The following SPIDR variants were observed in gnomAD, a reference collection of about 807,000 sequenced individuals.
SPIDR encodes the protein DNA repair-scaffolding protein.
In SPIDR, 93 loss-of-function variants were observed where a neutral mutation model predicts 104.6. The ratio of observed to expected loss-of-function variants is 0.89; its 90% CI spans 0.75 to 1.06. The LOEUF is 1.06. Ranked by LOEUF, SPIDR falls within the 50% of genes least tolerant of loss-of-function variation. The pLI is 0.00. For synonymous variants in SPIDR, 431 were observed against 416.9 expected (o/e 1.03, Z -0.41); for missense variants, 1,154 against 1,111.2 (o/e 1.04, Z -0.55).
chr8:47,661,392 C>T (rs1028733699), intron 10 of SPIDR, among the ~76,000 whole-genome samples: 3 of 152,238 alleles, frequency 2.0e-5, no homozygotes, highest in Non-Finnish European at 4.4e-5. Flanking sequence ...GCCTGCAGCC[C>T]AAGCCTTAGC....
At chr8:47,299,864 T>C (rs1423906265) in intron 5 of SPIDR, among the ~76,000 whole-genome samples, 2 of 152,258 alleles carry the variant, frequency 1.3e-5, no homozygotes, top group African/African-American at 4.8e-5. Flanking sequence ...AGTGTTTTAT[T>C]GAGGATTTTT....
intron 8 of SPIDR, among the ~76,000 whole-genome samples, chr8:47,489,605 T>C (rs2078314051): frequency 6.6e-6 from 1 of 152,160 alleles, no homozygotes; most frequent in Non-Finnish European, 1.5e-5. Flanking sequence ...TAAACTATAC[T>C]ACAAGGCTAC....
At chr8:47,311,966 G>A (rs587626935) in intron 5 of SPIDR, among the ~76,000 whole-genome samples, 263 of 152,158 alleles carry the variant, frequency 1.7e-3, no homozygotes, top group Middle Eastern at 0.01. Context: ...GAGAACATGC[G>A]GTGTTTGGTT....
chr8:47,549,820 T>A (rs2090143653), intron 8 of SPIDR, among the ~76,000 whole-genome samples: 1 of 152,238 alleles, frequency 6.6e-6, no homozygotes, highest in Non-Finnish European at 1.5e-5. Flanking sequence ...TTTGGGTGTT[T>A]TAGTCATGGA....
At chr8:47,686,458 C>T (rs551745246) in intron 11 of SPIDR, among the ~76,000 whole-genome samples, 11 of 152,192 alleles carry the variant, frequency 7.2e-5, no homozygotes, top group African/African-American at 2.4e-4. Flanking sequence ...TCTGTTAATA[C>T]GGGATGCTGA....
At chr8:47,282,618 A>G (rs1197288529) in intron 2 of SPIDR, among the ~76,000 whole-genome samples, 2 of 152,218 alleles carry the variant, frequency 1.3e-5, no homozygotes, top group Non-Finnish European at 2.9e-5. Flanking sequence ...GCTTAAGGGA[A>G]TGTTATAGCT....
chr8:47,520,132 C>T (rs911756976), intron 8 of SPIDR, among the ~76,000 whole-genome samples: 2 of 152,174 alleles, frequency 1.3e-5, no homozygotes, highest in African/African-American at 4.8e-5. Context: ...TTGATTCCCA[C>T]TTAGTTATCT....
At chr8:47,370,359 A>G (rs2057824272) in intron 5 of SPIDR, among the ~76,000 whole-genome samples, 1 of 151,996 alleles carries the variant, frequency 6.6e-6, no homozygotes, top group Non-Finnish European at 1.5e-5. Flanking sequence ...GAAACAGTAT[A>G]TCACACACAA....
chr8:47,275,784 ATAGACCATG>A (rs1477478540), intron 1 of SPIDR, among the ~76,000 whole-genome samples: 14 of 152,308 alleles, frequency 9.2e-5, no homozygotes, highest in Admixed American at 3.3e-4. Context: ...ATGTGGATGA[ATAGACCATG>A]ATGACTTTTT....
chr8:47,732,105 G>A (rs569024856), intron 19 of SPIDR: 13 of 702,246 alleles, frequency 1.9e-5, no homozygotes, highest in South Asian at 5.9e-5. Context: ...CTTGACACCC[G>A]TTCCAATCCC....
intron 19 of SPIDR, 121 bp from the exon 20 acceptor site, chr8:47,735,183 TGAG>T (rs2086075824): frequency 2.5e-6 from 2 of 814,778 alleles, no homozygotes; most frequent in Non-Finnish European, 4.1e-6. Context: ...CTCAGCCATT[TGAG>T]GAGTGGAAGG....
intron 5 of SPIDR, among the ~76,000 whole-genome samples, chr8:47,296,300 T>C (rs1305387361): frequency 3.9e-5 from 6 of 152,230 alleles, no homozygotes; most frequent in African/African-American, 1.4e-4. Context: ...TTGCTTTTGT[T>C]GTCAGTGCTT....
intron 8 of SPIDR, among the ~76,000 whole-genome samples, chr8:47,534,420 C>T (rs991261434): frequency 1.3e-5 from 2 of 152,140 alleles, no homozygotes; most frequent in East Asian, 1.9e-4. Context: ...AGAAAATGTA[C>T]ATATACACCA....
chr8:47,563,257 A>G (rs1180380754), intron 8 of SPIDR, among the ~76,000 whole-genome samples: 2 of 151,736 alleles, frequency 1.3e-5, no homozygotes. Flanking sequence ...GCAGCCTCGA[A>G]CTCCTAGGCT....
At chr8:47,556,329 C>T (rs1204569036) in intron 8 of SPIDR, among the ~76,000 whole-genome samples, 7 of 152,208 alleles carry the variant, frequency 4.6e-5, no homozygotes, top group African/African-American at 1.4e-4. Flanking sequence ...GCCTCCACCT[C>T]TTCCTTCCAT....
At chr8:47,280,040 T>A (rs1223395777) in intron 2 of SPIDR, 23 bp downstream of exon 2, 3 of 1,604,722 alleles carry the variant, frequency 1.9e-6, no homozygotes, top group Non-Finnish European at 2.6e-6. Context: ...TAGAATTGTT[T>A]TCCCTGAATG....
At chr8:47,477,144 G>A (rs1213701996) in intron 8 of SPIDR, among the ~76,000 whole-genome samples, 1 of 152,098 alleles carries the variant, frequency 6.6e-6, no homozygotes, top group South Asian at 2.1e-4. Flanking sequence ...CAGGGCCTAT[G>A]AAACACTTAA....
intron 5 of SPIDR, among the ~76,000 whole-genome samples, chr8:47,330,374 A>G (rs2154267590): frequency 6.6e-6 from 1 of 152,248 alleles, no homozygotes; most frequent in Non-Finnish European, 1.5e-5. Flanking sequence ...TTCTTACGCA[A>G]AGTCACTAGT....
intron 8 of SPIDR, among the ~76,000 whole-genome samples, chr8:47,479,965 A>G (rs949042679): frequency 6.6e-6 from 1 of 152,178 alleles, no homozygotes; most frequent in African/African-American, 2.4e-5. Flanking sequence ...TAAATGAATC[A>G]CAGTAAAAAG....
Sources: allele counts gnomAD v4.1 joint callset (sites outside exome capture counted in the v4.1 genomes callset), GRCh38; gene constraint gnomAD v4.1.1; transcripts MANE v1.5; gene names NCBI Gene and HGNC (gene_info 2026-07-23, HGNC 2026-07-21).